The following RBFOX1 variants were observed in gnomAD, a reference collection of about 807,000 sequenced individuals.
RBFOX1 encodes the protein RNA binding protein fox-1 homolog 1.
In RBFOX1, 8 loss-of-function variants were observed where a neutral mutation model predicts 57.7. The observed-to-expected ratio is 0.14, with a 90% CI of 0.08 to 0.25. The LOEUF is 0.25. Among genes scored for constraint, RBFOX1 ranks in the 10% least tolerant of loss-of-function variants. The probability of loss-of-function intolerance (pLI) is 1.00; values close to 1 mark genes in which losing one functional copy is unlikely to be tolerated. For synonymous variants in RBFOX1, 326 were observed against 222.4 expected (o/e 1.47, Z -4.15); for missense variants, 611 against 548.5 (o/e 1.11, Z -1.14).
intron 4 of RBFOX1, among the ~76,000 whole-genome samples, chr16:5,907,867 C>T (rs778805725): frequency 2.0e-5 from 3 of 151,868 alleles, no homozygotes; most frequent in Admixed American, 6.6e-5. Flanking sequence ...TCTCCTGCCT[C>T]AGCCTCCCAG....
At chr16:5,970,729 C>T (rs749256395) in intron 4 of RBFOX1, among the ~76,000 whole-genome samples, 4 of 152,092 alleles carry the variant, frequency 2.6e-5, no homozygotes, top group South Asian at 2.1e-4. Flanking sequence ...AAGGACCCTG[C>T]GAAATTGACT....
chr16:6,384,997 A>G (rs891109148), intron 2 of RBFOX1, among the ~76,000 whole-genome samples: 1 of 152,104 alleles, frequency 6.6e-6, no homozygotes, highest in African/African-American at 2.4e-5. Flanking sequence ...CACTCACCCT[A>G]TTTCAGCAGC....
At chr16:7,115,464 T>A (rs1225228127) in intron 4 of RBFOX1, among the ~76,000 whole-genome samples, 1 of 152,134 alleles carries the variant, frequency 6.6e-6, no homozygotes. Context: ...GGACTGAGAG[T>A]CCGAAAGCAT....
At chr16:7,442,517 A>C (rs1040742832) in intron 4 of RBFOX1, among the ~76,000 whole-genome samples, 3 of 152,114 alleles carry the variant, frequency 2.0e-5, no homozygotes, top group Non-Finnish European at 4.4e-5. Flanking sequence ...AAAAATGAGG[A>C]GGCCGCAAAC....
At chr16:5,918,629 G>A (rs967933202) in intron 4 of RBFOX1, among the ~76,000 whole-genome samples, 6 of 152,180 alleles carry the variant, frequency 3.9e-5, no homozygotes, top group Admixed American at 6.5e-5. Context: ...AATTTGCAGG[G>A]TAGACAGTGA....
chr16:5,401,715 C>T (rs979861132), intron 1 of RBFOX1, among the ~76,000 whole-genome samples: 4 of 150,700 alleles, frequency 2.7e-5, no homozygotes, highest in Non-Finnish European at 5.9e-5. Flanking sequence ...GTTTTGATTT[C>T]TTGTTAGTAT....
intron 3 of RBFOX1, chr16:6,775,977 C>T (rs2079263040): frequency 1.3e-5 from 2 of 152,176 alleles, no homozygotes; most frequent in African/African-American, 4.8e-5. Flanking sequence ...CATATCGATT[C>T]CAAGTCTGAT....
At chr16:6,489,467 A>G (rs1567412306) in intron 2 of RBFOX1, among the ~76,000 whole-genome samples, 1 of 152,188 alleles carries the variant, frequency 6.6e-6, no homozygotes, top group Non-Finnish European at 1.5e-5. Flanking sequence ...ACAGACATCC[A>G]GAGAAGTTGA....
At chr16:7,315,453 C>G (rs1439449959) in intron 4 of RBFOX1, among the ~76,000 whole-genome samples, 3 of 126,456 alleles carry the variant, frequency 2.4e-5, no homozygotes, top group African/African-American at 1.1e-4. Context: ...CCTACTCTAC[C>G]CTACCCCCCC....
At chr16:6,665,724 C>G (rs1423054553) in intron 3 of RBFOX1, among the ~76,000 whole-genome samples, 3 of 151,418 alleles carry the variant, frequency 2.0e-5, no homozygotes, top group Non-Finnish European at 2.9e-5. Context: ...ATAATAGCAA[C>G]TACCTTGCAT....
intron 1 of RBFOX1, among the ~76,000 whole-genome samples, chr16:6,044,780 A>G (rs1000608651): frequency 1.3e-5 from 2 of 152,246 alleles, no homozygotes; most frequent in Non-Finnish European, 2.9e-5. Flanking sequence ...TGAGGCGTGA[A>G]CTCTGAACTG....
At chr16:7,511,714 T>C (rs940475312) in intron 4 of RBFOX1, among the ~76,000 whole-genome samples, 15 of 152,208 alleles carry the variant, frequency 9.9e-5, no homozygotes, top group Non-Finnish European at 4.4e-5. Flanking sequence ...TGGGGTGTCT[T>C]AAGTAATGAC....
At chr16:6,146,882 G>A (rs1368884421) in intron 1 of RBFOX1, among the ~76,000 whole-genome samples, 1 of 152,148 alleles carries the variant, frequency 6.6e-6, no homozygotes, top group Non-Finnish European at 1.5e-5. Flanking sequence ...TAGTATCTGA[G>A]AGGCATCAAG....
At chr16:5,256,761 C>G (rs1425085630) in intron 1 of RBFOX1, among the ~76,000 whole-genome samples, 2 of 152,004 alleles carry the variant, frequency 1.3e-5, no homozygotes, top group East Asian at 3.9e-4. Flanking sequence ...ATGCGAAACC[C>G]TGCCTCTTCT....
intron 14 of RBFOX1, among the ~76,000 whole-genome samples, chr16:7,703,557 T>A (rs2081452166): frequency 1.3e-5 from 2 of 152,186 alleles, no homozygotes; most frequent in Admixed American, 1.3e-4. Context: ...TGAAATTAAT[T>A]AGTGTTCTTA....
intron 1 of RBFOX1, among the ~76,000 whole-genome samples, chr16:5,403,366 AAC>A (rs1491516256): frequency 1.0e-4 from 15 of 149,918 alleles, no homozygotes; most frequent in Admixed American, 4.0e-4. Flanking sequence ...AAAAAAAAAA[AAC>A]AAAAAACAAA....
At chr16:7,310,198 G>T (rs1473265583) in intron 4 of RBFOX1, among the ~76,000 whole-genome samples, 1 of 152,230 alleles carries the variant, frequency 6.6e-6, no homozygotes, top group Non-Finnish European at 1.5e-5. Context: ...GGCCGCCTCT[G>T]CTGGGAGACA....
intron 2 of RBFOX1, among the ~76,000 whole-genome samples, chr16:5,581,481 T>G (rs1334214387): frequency 6.6e-6 from 1 of 152,208 alleles, no homozygotes; most frequent in African/African-American, 2.4e-5. Flanking sequence ...GAGGCAGACA[T>G]CTACTTTGTA....
Position 7,127,943 on chromosome 16 carries a change from A to C in RBFOX1, c.27+75845A>C, listed in dbSNP as rs541681525. On this transcript the variant is annotated intron_variant, in intron 4 of 15. Transcript: ENST00000550418. ...TTTAGAAGAGGGAGTTCATTGGCTTACACAACTGCAAAGGTCCGAAAGAGG... is the reference window on the plus strand; with the variant it reads ...TTTAGAAGAGGGAGTTCATTGGCTTCCACAACTGCAAAGGTCCGAAAGAGG... 2.4e-4 allele frequency among the ~76,000 whole-genome samples: 36 copies of C among 152,326 alleles called. 1 individual carries two copies. The South Asian group carries it at 7.5e-3, about 32-fold the overall frequency.
Sources: allele counts gnomAD v4.1 joint callset (sites outside exome capture counted in the v4.1 genomes callset), GRCh38; gene constraint gnomAD v4.1.1; transcripts MANE v1.5; gene names NCBI Gene and HGNC (gene_info 2026-07-23, HGNC 2026-07-21).